The following KBTBD8 variants were observed in gnomAD, a reference collection of about 807,000 sequenced individuals.
KBTBD8 encodes the protein kelch repeat and BTB domain-containing protein 8.
KBTBD8 carries 31 observed loss-of-function variants against 53.5 expected under a neutral mutation model. The observed-to-expected ratio is 0.58, with a 90% CI of 0.44 to 0.78. The LOEUF is 0.78. KBTBD8 is among the 30% of genes least tolerant of loss of function. The probability of loss-of-function intolerance (pLI) is 0.00; values close to 1 mark genes in which losing one functional copy is unlikely to be tolerated. For missense variants in KBTBD8, 642 were observed against 735.8 expected, an observed-to-expected ratio of 0.87 and a Z score of 1.48; for synonymous variants, 250 against 247.3, an observed-to-expected ratio of 1.01 and a Z score of -0.10.
chr3:67,003,794 G>C lies in KBTBD8; in HGVS notation c.827G>C (p.Cys276Ser), dbSNP rs763848884. ...AAGGGACCATCCAACACCAATGGCT[G>C]TACACAGAGGCTTGGAATGACTGCT... ...VEKGPSNTNG[C>S]TQRLGMTASE... Residue 276 changes from cysteine to serine, a missense_variant, in exon 3 of 4, where the codon TGT becomes TCT. Physicochemically the swap from Cys to Ser is moderately radical, Grantham distance 112. Coordinates refer to ENST00000417314, the MANE Select transcript of KBTBD8 (RefSeq NM_032505.3). 1.2e-6 allele frequency: 2 copies of C among 1,614,162 alleles called. No homozygotes were observed. Among genetic ancestry groups the C allele is most frequent in the Non-Finnish European group, 1.7e-6 (2 of 1,180,024 alleles).
intron 1 of KBTBD8, among the ~76,000 whole-genome samples, chr3:66,998,727 C>G (rs953911701): frequency 6.6e-6 from 1 of 152,162 alleles, no homozygotes; most frequent in South Asian, 2.1e-4. Context: ...GTTTCCTCCG[C>G]GAGCACGGGT....
At chr3:67,003,167 G>T (rs1702032012) in intron 2 of KBTBD8, 28 bp from the exon 3 acceptor site, 59 of 1,594,572 alleles carry the variant, frequency 3.7e-5, no homozygotes, top group Non-Finnish European at 5.1e-5. Flanking sequence ...TAGCACACGT[G>T]TAATATTAAC....
intron 2 of KBTBD8, 82 bp downstream of exon 2, chr3:66,999,273 T>TGA (rs1316419883): frequency 6.1e-5 from 64 of 1,056,792 alleles, no homozygotes; most frequent in East Asian, 5.2e-4. Context: ...ATGTTTATAT[T>TGA]GAGATGCGAT....
chr3:67,007,056 C>A (rs1702069240), intron 3 of KBTBD8, among the ~76,000 whole-genome samples: 1 of 152,148 alleles, frequency 6.6e-6, no homozygotes, highest in Non-Finnish European at 1.5e-5. Flanking sequence ...GTCATGTTTT[C>A]TCCTGCTGAA....
In KBTBD8 at chr3:67,008,207, T is replaced by C; in HGVS notation, c.1628T>C (p.Val543Ala). ...CATTTATTTGTTCGAGCTACTCAAG[T>C]GACTGTTGAAGAACACGTCTTCAGA... Reference protein sequence around the residue: ...KLHLFVRATQVTVEEHVFRTS... With the variant: ...KLHLFVRATQATVEEHVFRTS... Residue 543 changes from valine to alanine, a missense_variant, in exon 4 of 4, where the codon GTG (valine) becomes GCG (alanine). Transcript: ENST00000417314. 1 of 1,614,178 alleles carries C rather than the reference T, an allele frequency of 6.2e-7. No individual in the cohort carries two copies. Among genetic ancestry groups the C allele is most frequent in the East Asian group, 2.2e-5 (1 of 44,890 alleles).
At chr3:67,002,087 T>G (rs1160882876) in intron 2 of KBTBD8, among the ~76,000 whole-genome samples, 3 of 152,178 alleles carry the variant, frequency 2.0e-5, no homozygotes, top group East Asian at 3.8e-4. Flanking sequence ...AGGTAAAAGT[T>G]TGGGGTTTTA....
At position 67,010,921 on chromosome 3, in the gene KBTBD8, ATTCT is replaced by A. The variant is rs1343004000; in HGVS notation, c.*2539_*2542del. The A allele has an allele frequency of 3.3e-5, 5 of 152,612 alleles. No homozygotes were observed. Among genetic ancestry groups the A allele is most frequent in the Non-Finnish European group, 7.4e-5 (5 of 68,012 alleles). 9.5% of individuals were successfully genotyped at this position (152,612 alleles called of 1,614,324 possible). A position where few individuals can be genotyped will look rare whatever the true frequency, so the allele number is the denominator to read the frequency against. The stretch of plus-strand genomic sequence containing the variant: ...TATGTTATAGGAAAGTAGAAATTGT[ATTCT>A]TTATTTTCCATCTTTGTTTTCTGTT... On this transcript the variant is annotated 3_prime_UTR_variant, in exon 4 of 4. Coordinates refer to ENST00000417314, the MANE Select transcript of KBTBD8 (RefSeq NM_032505.3).
rs749175132 is a variant in KBTBD8 at position 67,011,150 on chromosome 3, A to AT, written c.*2771dup. 4.6e-5 allele frequency: 7 copies of AT among 152,672 alleles called. No homozygotes were observed. The highest frequency in any genetic ancestry group is 1.9e-4 in the East Asian group (1 of 5,164). The allele number at this position is 152,672 out of a possible 1,614,324, so 9.5% of individuals were successfully genotyped here. ...TTAAACATTTTGCCATAATTGCACAATTTTTTGCATTTTTACCTGATGTCA... is the reference window on the plus strand; with the variant it reads ...TTAAACATTTTGCCATAATTGCACAATTTTTTTGCATTTTTACCTGATGTCA... On this transcript the variant is annotated 3_prime_UTR_variant, in exon 4 of 4. Transcript: ENST00000417314.
rs1484323058 is a variant in KBTBD8 at position 67,005,217 on chromosome 3, G to A, written c.1342+908G>A. 3.3e-5 allele frequency among the ~76,000 whole-genome samples: 5 copies of A among 152,186 alleles called. No individual in the cohort carries two copies. In the East Asian group the frequency reaches 9.7e-4, roughly 29 times the overall value. On this transcript the variant is annotated intron_variant, in intron 3 of 3. Coordinates refer to ENST00000417314, the MANE Select transcript of KBTBD8 (RefSeq NM_032505.3). ...AGCAACATCCTTATTCCTCGTATGT[G>A]TCTCTTAATTGATGTTTTTCTCACA...
chr3:67,007,862 T>C lies in KBTBD8; in HGVS notation c.1343-60T>C, dbSNP rs569802072. 29 of 1,006,682 alleles carry C rather than the reference T, an allele frequency of 2.9e-5. 1 individual carries two copies. In the African/African-American group the frequency reaches 3.3e-4, roughly 11 times the overall value. 62.4% of individuals were successfully genotyped at this position (1,006,682 alleles called of 1,614,324 possible). The stretch of plus-strand genomic sequence containing the variant: ...ATCTTTAGAGGTTGTAGTTACAACA[T>C]ATAACCAAAAACCAAACATAAAAAT... On this transcript the variant is annotated intron_variant, in intron 3 of 3. Coordinates refer to ENST00000417314, the MANE Select transcript of KBTBD8 (RefSeq NM_032505.3).
At position 67,008,873 on chromosome 3, in the gene KBTBD8, T is replaced by C. The variant is rs1702093535; in HGVS notation, c.*488T>C. ...CTTAATATTTATATGTATCTATTTT[T>C]GTGTACTGTTTTCAAGTGTACTGAG... On this transcript the variant is annotated 3_prime_UTR_variant, in exon 4 of 4. Transcript: ENST00000417314. 6.4e-6 allele frequency: 1 copy of C among 155,102 alleles called. No individual in the cohort carries two copies. The highest frequency in any genetic ancestry group is 1.4e-5 in the Non-Finnish European group (1 of 69,492). 9.6% of individuals were successfully genotyped at this position (155,102 alleles called of 1,614,324 possible).
At position 67,009,504 on chromosome 3, in the gene KBTBD8, A is replaced by C. The variant is rs1303508131; in HGVS notation, c.*1119A>C. The C allele has an allele frequency of 6.6e-6, 1 of 152,608 alleles. No individual in the cohort carries two copies. The highest frequency in any genetic ancestry group is 2.4e-5 in the African/African-American group (1 of 41,446). 9.5% of individuals were successfully genotyped at this position (152,608 alleles called of 1,614,324 possible). ...TGCAGTGGTCTAATTTAATGTCTTT[A>C]AGTTTCATATTACAATTAAAACCTC... is the stretch of plus-strand genomic sequence containing the variant. On this transcript the variant is annotated 3_prime_UTR_variant, in exon 4 of 4. Transcript: ENST00000417314.
chr3:67,008,481 G>A lies in KBTBD8; in HGVS notation c.*96G>A. Reference sequence around the variant, plus strand: ...CTGACAGTATTTCAGAAAGCTGAGAGAGTTTTATACATGGAAAATGGGTAT... The same window carrying A: ...CTGACAGTATTTCAGAAAGCTGAGAAAGTTTTATACATGGAAAATGGGTAT... On this transcript the variant is annotated 3_prime_UTR_variant, in exon 4 of 4. Coordinates refer to ENST00000417314, the MANE Select transcript of KBTBD8 (RefSeq NM_032505.3). 1.2e-6 allele frequency: 1 copy of A among 865,012 alleles called. No homozygotes were observed. The highest frequency in any genetic ancestry group is 1.7e-5 in the African/African-American group (1 of 59,094). 53.6% of individuals were successfully genotyped at this position (865,012 alleles called of 1,614,324 possible).
At chr3:67,004,469 A>G (rs1702047028) in intron 3 of KBTBD8, among the ~76,000 whole-genome samples, 160 bp downstream of exon 3, 1 of 152,346 alleles carries the variant, frequency 6.6e-6, no homozygotes, top group Non-Finnish European at 1.5e-5. Context: ...GCTATAAAGA[A>G]AATAAACTCT....
In KBTBD8 at chr3:67,008,436, G is replaced by C. The variant is rs1553660683; in HGVS notation, c.*51G>C. 4 of 1,283,720 alleles carry C rather than the reference G, an allele frequency of 3.1e-6. No individual in the cohort carries two copies. The highest frequency in any genetic ancestry group is 1.4e-5 in the South Asian group (1 of 73,566). The allele number at this position is 1,283,720 out of a possible 1,614,324, so 79.5% of individuals were successfully genotyped here. ...CTGGCATCTCATTCTTAGGAAACTTGTCTTTGATACAAAAGAGTGCTGACA... is the reference window on the plus strand; with the variant it reads ...CTGGCATCTCATTCTTAGGAAACTTCTCTTTGATACAAAAGAGTGCTGACA... On this transcript the variant is annotated 3_prime_UTR_variant, in exon 4 of 4. Coordinates refer to ENST00000417314, the MANE Select transcript of KBTBD8 (RefSeq NM_032505.3).
At position 67,003,603 on chromosome 3, in the gene KBTBD8, T is replaced by G. The variant is rs1242358502; in HGVS notation, c.636T>G (p.His212Gln). The G allele has an allele frequency of 1.2e-6, 2 of 1,614,032 alleles. No individual in the cohort carries two copies. Among genetic ancestry groups the G allele is most frequent in the Admixed American group, 1.7e-5 (1 of 60,030 alleles). The change falls in exon 3 of 4, where the codon CAT becomes CAG. Residue 212 changes from histidine (H) to glutamine (Q), a missense_variant. His to Gln is a conservative substitution (Grantham distance 24). Coordinates refer to ENST00000417314, the MANE Select transcript of KBTBD8 (RefSeq NM_032505.3). ...ATTTAAATGTAGACCGAGAAGAGCA[T>G]GTTTATGAAAGCATTATAAGGTGGT... ...SDDLNVDREE[H>Q]VYESIIRWFE... is the part of the protein sequence containing the mutation.
chr3:67,007,973 C>T lies in KBTBD8; in HGVS notation c.1394C>T (p.Thr465Ile), dbSNP rs750610646. The T allele has an allele frequency of 6.2e-7, 1 of 1,609,904 alleles. No homozygotes were observed. Among genetic ancestry groups the T allele is most frequent in the South Asian group, 1.1e-5 (1 of 90,710 alleles). Residue 465 changes from threonine to isoleucine, a missense_variant, in exon 4 of 4, where the codon ACC (threonine) becomes ATC (isoleucine). Physicochemically the swap from Thr to Ile is moderately conservative, Grantham distance 89. Coordinates refer to ENST00000417314, the MANE Select transcript of KBTBD8 (RefSeq NM_032505.3). ...CAAAAAGACTACTGGGGTTTCTTAA[C>T]CCCCATGACTGTGCCTAGAATCCAG... is the stretch of plus-strand genomic sequence containing the variant. The part of the protein sequence containing the change: ...EPQKDYWGFL[T>I]PMTVPRIQGL...
rs1559555553 is a variant in KBTBD8, at chr3:66,999,175, A to G, written c.211A>G (p.Ile71Val). ...FSCHRNVLAA[I>V]SPYFRSMFTS... Reference sequence around the variant, plus strand: ...CTGTCATAGAAACGTTCTTGCTGCAATCAGCCCTTACTTCAGGTATGATGA... The same window carrying G: ...CTGTCATAGAAACGTTCTTGCTGCAGTCAGCCCTTACTTCAGGTATGATGA... Residue 71 changes from isoleucine to valine, a missense_variant, in exon 2 of 4, where the codon ATC becomes GTC. Physicochemically the swap from Ile to Val is conservative, Grantham distance 29. Transcript: ENST00000417314. 1.2e-6 allele frequency: 2 copies of G among 1,614,184 alleles called. No homozygotes were observed. Among genetic ancestry groups the G allele is most frequent in the East Asian group, 2.2e-5 (1 of 44,888 alleles).
In KBTBD8 at chr3:66,999,171, T is replaced by C; in HGVS notation, c.207T>C (p.Ala69=). ...TTTCCTGTCATAGAAACGTTCTTGC[T>C]GCAATCAGCCCTTACTTCAGGTATG... The part of the protein sequence containing the change: ...KTFSCHRNVL[A]AISPYFRSMF... Residue 69 remains alanine, a synonymous_variant, in exon 2 of 4, where the codon GCT becomes GCC. Transcript: ENST00000417314. The C allele has an allele frequency of 6.2e-7, 1 of 1,614,214 alleles. No individual in the cohort carries two copies. Among genetic ancestry groups the C allele is most frequent in the Non-Finnish European group, 8.5e-7 (1 of 1,179,994 alleles).
Sources: gnomAD v4.1 joint callset for allele counts (sites outside exome capture counted in the v4.1 genomes callset) on GRCh38, gnomAD v4.1.1 for gene constraint, MANE v1.5 for transcripts, NCBI Gene and HGNC (gene_info 2026-07-23, HGNC 2026-07-21) for gene names.